Variants in EVA1A observed in about 807,000 individuals in gnomAD.
The protein encoded by EVA1A is eva-1 homolog A, regulator of programmed cell death.
In EVA1A, 7 loss-of-function variants were observed where a neutral mutation model predicts 9.8. The ratio of observed to expected loss-of-function variants is 0.71; its 90% CI spans 0.41 to 1.34. The LOEUF (loss-of-function observed/expected upper bound fraction) is 1.34. EVA1A is among the 40% of genes most tolerant of loss of function. EVA1A has a pLI of 0.01. For synonymous variants in EVA1A, 90 were observed against 85.6 expected, an observed-to-expected ratio of 1.05 and a Z score of -0.28; for missense variants, 206 against 205.9, an observed-to-expected ratio of 1.00 and a Z score of 0.00.
chr2:75,526,660 G>A (rs761572218), intron 1 of EVA1A, among the ~76,000 whole-genome samples: 20 of 152,316 alleles, frequency 1.3e-4, no homozygotes, highest in South Asian at 4.2e-4. Flanking sequence ...GAGACAGAAG[G>A]AAGAGCAGGA....
chr2:75,547,050 G>A (rs933761007), intron 1 of EVA1A, among the ~76,000 whole-genome samples: 12 of 152,108 alleles, frequency 7.9e-5, no homozygotes, highest in Admixed American at 5.9e-4. Flanking sequence ...ACCATGAGCC[G>A]ATACTTTTCT....
At chr2:75,564,713 G>A (rs1038798331), upstream of EVA1A, among the ~76,000 whole-genome samples, 7 of 152,128 alleles carry the variant, frequency 4.6e-5, no homozygotes, top group South Asian at 1.0e-3. Flanking sequence ...GAGCACCACC[G>A]ATCAGCTACT....
intron 1 of EVA1A, among the ~76,000 whole-genome samples, chr2:75,550,800 G>C (rs1035340767): frequency 6.6e-6 from 1 of 152,224 alleles, no homozygotes. Flanking sequence ...CTCTCCCAGC[G>C]TGCATAGTCC....
chr2:75,513,470 AC>A (rs967142495), intron 3 of EVA1A, among the ~76,000 whole-genome samples: 23 of 152,252 alleles, frequency 1.5e-4, no homozygotes, highest in African/African-American at 5.3e-4. Context: ...TATGTATTCA[AC>A]ATTTTTTTTA....
intron 1 of EVA1A, among the ~76,000 whole-genome samples, chr2:75,558,944 T>C (rs1374423142): frequency 6.6e-6 from 1 of 152,158 alleles, no homozygotes; most frequent in Non-Finnish European, 1.5e-5. Flanking sequence ...GCTAAGGCAA[T>C]ATAGCCGCAT....
chr2:75,551,789 A>C (rs956611995), intron 1 of EVA1A, among the ~76,000 whole-genome samples: 2 of 152,244 alleles, frequency 1.3e-5, no homozygotes, highest in Non-Finnish European at 2.9e-5. Flanking sequence ...CATACAGTAC[A>C]CACTCAATAA....
intron 1 of EVA1A, among the ~76,000 whole-genome samples, chr2:75,546,800 G>T (rs1474875628): frequency 6.6e-6 from 1 of 151,698 alleles, no homozygotes; most frequent in Non-Finnish European, 1.5e-5. Flanking sequence ...CATTAGGGCG[G>T]GCCTCAACCC....
At chr2:75,524,787 C>T (rs1675362336) in intron 1 of EVA1A, among the ~76,000 whole-genome samples, 1 of 152,102 alleles carries the variant, frequency 6.6e-6, no homozygotes, top group South Asian at 2.1e-4. Flanking sequence ...TTCACCTGTG[C>T]TTTCAAATTA....
upstream of EVA1A, among the ~76,000 whole-genome samples, chr2:75,564,459 A>G (rs1676988049): frequency 6.6e-6 from 1 of 152,342 alleles, no homozygotes; most frequent in African/African-American, 2.4e-5. Context: ...ATGCCAGCAG[A>G]GTGCACAGGG....
At chr2:75,500,273 T>A (rs958135331) in intron 3 of EVA1A, among the ~76,000 whole-genome samples, 1 of 152,218 alleles carries the variant, frequency 6.6e-6, no homozygotes, top group African/African-American at 2.4e-5. Context: ...CTAATCATGT[T>A]GTCAGCTGAT....
chr2:75,518,491 G>T, intron 2 of EVA1A: 1 of 652,998 alleles, frequency 1.5e-6, no homozygotes, highest in Non-Finnish European at 1.9e-6. Flanking sequence ...AGCCAGTGGG[G>T]CCACAAAGAT....
chr2:75,525,628 A>G (rs146973418), intron 1 of EVA1A, among the ~76,000 whole-genome samples: 4 of 152,342 alleles, frequency 2.6e-5, no homozygotes, highest in East Asian at 1.9e-4. Flanking sequence ...TTCTGTCTCA[A>G]TGATGGGAGT....
intron 1 of EVA1A, among the ~76,000 whole-genome samples, chr2:75,539,405 A>G (rs1014605599): frequency 2.0e-5 from 3 of 152,226 alleles, no homozygotes; most frequent in Admixed American, 6.5e-5. Flanking sequence ...AAGCTCCACC[A>G]TGCCCTATCT....
At chr2:75,541,750 C>G (rs1020585018) in intron 1 of EVA1A, 4 of 152,580 alleles carry the variant, frequency 2.6e-5, no homozygotes, top group African/African-American at 9.7e-5. Context: ...TTCATAGTAT[C>G]CTGAGGATTC....
At chr2:75,568,166 TTCC>T (rs1028466846) in intron 1 of EVA1A, among the ~76,000 whole-genome samples, 42 of 152,170 alleles carry the variant, frequency 2.8e-4, no homozygotes, top group African/African-American at 9.9e-4. Context: ...TGCCAGGCCT[TTCC>T]TCCTCATCCT....
chr2:75,544,079 G>A (rs1040556165), intron 1 of EVA1A, among the ~76,000 whole-genome samples: 1 of 152,158 alleles, frequency 6.6e-6, no homozygotes, highest in African/African-American at 2.4e-5. Context: ...ACTCATGCCC[G>A]CTTCAGAATA....
chr2:75,550,886 G>C (rs10195083), intron 1 of EVA1A, among the ~76,000 whole-genome samples: 1,541 of 152,282 alleles, frequency 0.01, 25 homozygotes, highest in African/African-American at 0.035. Flanking sequence ...CACTTTGGGA[G>C]GCCAAGGAGG....
At chr2:75,533,077 G>A (rs769633125) in intron 1 of EVA1A, among the ~76,000 whole-genome samples, 3 of 151,114 alleles carry the variant, frequency 2.0e-5, no homozygotes, top group African/African-American at 4.9e-5. Context: ...CTAGGAGATC[G>A]AGACTGCAGT....
chr2:75,514,997 G>C (rs1335386173), intron 3 of EVA1A, among the ~76,000 whole-genome samples: 1 of 152,176 alleles, frequency 6.6e-6, no homozygotes, highest in Non-Finnish European at 1.5e-5. Flanking sequence ...TCAAGTCTTT[G>C]AGAAATGTAT....
Sources: gnomAD v4.1 joint callset for allele counts (sites outside exome capture counted in the v4.1 genomes callset) on GRCh38, gnomAD v4.1.1 for gene constraint, MANE v1.5 for transcripts, NCBI Gene and HGNC (gene_info 2026-07-23, HGNC 2026-07-21) for gene names.